CTNNA3: variants seen among roughly 807,000 people sequenced by gnomAD.
The protein encoded by CTNNA3 is catenin alpha-3.
CTNNA3 carries 76 observed loss-of-function variants against 95.7 expected under a neutral mutation model. The observed-to-expected ratio is 0.79, with a 90% CI of 0.66 to 0.96. The LOEUF (loss-of-function observed/expected upper bound fraction) is 0.96, where lower values mean the gene tolerates loss of function less well. CTNNA3 is among the 40% of genes least tolerant of loss of function. CTNNA3 has a pLI of 0.00. For missense variants in CTNNA3, 1,191 were observed against 1,089.8 expected (o/e 1.09, Z -1.31); for synonymous variants, 431 against 374.4 (o/e 1.15, Z -1.74).
At chr10:67,281,971 T>C (rs1839416688) in intron 5 of CTNNA3, among the ~76,000 whole-genome samples, 1 of 152,162 alleles carries the variant, frequency 6.6e-6, no homozygotes, top group African/African-American at 2.4e-5. Flanking sequence ...AACCTCATGA[T>C]AGGTCCATAT....
At chr10:67,199,903 C>T (rs1018141332) in intron 6 of CTNNA3, among the ~76,000 whole-genome samples, 10 of 152,014 alleles carry the variant, frequency 6.6e-5, no homozygotes, top group Non-Finnish European at 2.9e-5. Flanking sequence ...AAGAAAAATC[C>T]CATCACTGAA....
At chr10:66,953,308 C>T (rs1848631085) in intron 7 of CTNNA3, among the ~76,000 whole-genome samples, 1 of 152,150 alleles carries the variant, frequency 6.6e-6, no homozygotes, top group South Asian at 2.1e-4. Flanking sequence ...AATGTGCACC[C>T]ACCAATAATT....
intron 17 of CTNNA3, among the ~76,000 whole-genome samples, chr10:65,922,831 T>A (rs2077110614): frequency 6.6e-6 from 1 of 151,746 alleles, no homozygotes; most frequent in South Asian, 2.1e-4. Context: ...AGGAAAGAGG[T>A]TTAATTGACT....
At chr10:67,729,905 A>C (rs1841265110) in intron 1 of CTNNA3, among the ~76,000 whole-genome samples, 2 of 152,186 alleles carry the variant, frequency 1.3e-5, no homozygotes, top group Admixed American at 6.5e-5. Context: ...ATAAAAAATA[A>C]TGGCAAGAAA....
At chr10:67,691,041 G>A (rs929395948) in intron 1 of CTNNA3, among the ~76,000 whole-genome samples, 7 of 152,194 alleles carry the variant, frequency 4.6e-5, no homozygotes, top group East Asian at 1.9e-4. Flanking sequence ...GCAGGCGCGC[G>A]CCGCCACGCC....
intron 7 of CTNNA3, among the ~76,000 whole-genome samples, chr10:66,879,232 C>T (rs914040824): frequency 6.6e-6 from 1 of 152,028 alleles, no homozygotes; most frequent in South Asian, 2.1e-4. Flanking sequence ...TAATACAGCA[C>T]CAACATTTAC....
At chr10:67,585,092 C>G (rs544875993) in intron 3 of CTNNA3, among the ~76,000 whole-genome samples, 2 of 152,274 alleles carry the variant, frequency 1.3e-5, no homozygotes, top group African/African-American at 4.8e-5. Flanking sequence ...CCCAGTGAGA[C>G]GAACCTGGTA....
intron 11 of CTNNA3, among the ~76,000 whole-genome samples, chr10:66,465,405 T>C (rs551663015): frequency 2.8e-4 from 43 of 152,298 alleles, no homozygotes; most frequent in Middle Eastern, 6.8e-3. Flanking sequence ...ATTAGGTCTA[T>C]CTTTCAGAAA....
At chr10:67,308,086 A>G (rs1222024880) in intron 5 of CTNNA3, among the ~76,000 whole-genome samples, 1 of 152,202 alleles carries the variant, frequency 6.6e-6, no homozygotes, top group African/African-American at 2.4e-5. Context: ...CATGTTCTCC[A>G]TGACAGGAAA....
intron 9 of CTNNA3, among the ~76,000 whole-genome samples, chr10:66,761,304 T>C (rs1386600995): frequency 1.3e-5 from 2 of 152,196 alleles, no homozygotes; most frequent in Non-Finnish European, 2.9e-5. Flanking sequence ...CACTTTTTCC[T>C]TTCTGATGAA....
intron 11 of CTNNA3, among the ~76,000 whole-genome samples, chr10:66,385,044 G>A (rs12773143): frequency 0.095 from 14,430 of 152,104 alleles, 914 homozygotes; most frequent in Middle Eastern, 0.18. Flanking sequence ...AGAGAAGCAA[G>A]AGCAAACACA....
intron 17 of CTNNA3, among the ~76,000 whole-genome samples, chr10:65,951,013 T>C (rs546716264): frequency 1.3e-5 from 2 of 152,314 alleles, no homozygotes; most frequent in East Asian, 3.9e-4. Context: ...CAGTAAACCA[T>C]GTCAAATCAA....
At chr10:67,181,770 A>G (rs1394384653) in intron 6 of CTNNA3, among the ~76,000 whole-genome samples, 3 of 152,162 alleles carry the variant, frequency 2.0e-5, no homozygotes, top group Non-Finnish European at 4.4e-5. Flanking sequence ...CAATTTTAAA[A>G]GCCACAACTG....
At chr10:66,882,343 G>A (rs1454342189) in intron 7 of CTNNA3, among the ~76,000 whole-genome samples, 3 of 152,076 alleles carry the variant, frequency 2.0e-5, no homozygotes, top group African/African-American at 7.2e-5. Context: ...TTTAATTGCA[G>A]ACACTCAATA....
At chr10:66,468,204 G>A (rs944460188) in intron 11 of CTNNA3, among the ~76,000 whole-genome samples, 1 of 151,896 alleles carries the variant, frequency 6.6e-6, no homozygotes, top group Non-Finnish European at 1.5e-5. Context: ...TAAAGATGTT[G>A]AAATATCCAA....
chr10:67,343,929 TTATTA>T (rs1208452365), intron 5 of CTNNA3, among the ~76,000 whole-genome samples: 5 of 147,982 alleles, frequency 3.4e-5, no homozygotes, highest in African/African-American at 7.3e-5. Context: ...ATTTTATATT[TTATTA>T]TATTATATTA....
At chr10:66,615,661 G>T (rs185887388) in intron 10 of CTNNA3, among the ~76,000 whole-genome samples, 155 of 151,814 alleles carry the variant, frequency 1.0e-3, no homozygotes, top group African/African-American at 3.4e-3. Context: ...TATAAAACCT[G>T]AGAATGAAAA....
intron 13 of CTNNA3, among the ~76,000 whole-genome samples, chr10:66,255,978 T>C (rs2090754826): frequency 1.3e-5 from 2 of 152,200 alleles, no homozygotes; most frequent in Admixed American, 1.3e-4. Flanking sequence ...CTTAGGTGGA[T>C]GAAACTCATG....
chr10:66,436,104 C>T (rs2093335694), intron 11 of CTNNA3, among the ~76,000 whole-genome samples: 1 of 152,048 alleles, frequency 6.6e-6, no homozygotes, highest in Non-Finnish European at 1.5e-5. Flanking sequence ...ATTATGTGGT[C>T]AATTTTAGAA....
Sources: allele counts gnomAD v4.1 joint callset (sites outside exome capture counted in the v4.1 genomes callset), GRCh38; gene constraint gnomAD v4.1.1; transcripts MANE v1.5; gene names NCBI Gene and HGNC (gene_info 2026-07-23, HGNC 2026-07-21).